DIP2B: variants seen among roughly 807,000 people sequenced by gnomAD.
DIP2B encodes DIP2 acetate--CoA ligase B (putative).
Under a neutral mutation model 198.0 loss-of-function variants are expected in DIP2B, and 76 were observed. The observed-to-expected ratio is 0.38, with a 90% CI of 0.32 to 0.46. The LOEUF (loss-of-function observed/expected upper bound fraction) is 0.46, where lower values mean the gene tolerates loss of function less well. Among genes scored for constraint, DIP2B ranks in the 20% least tolerant of loss-of-function variants. DIP2B has a pLI of 0.99. For missense variants in DIP2B, 1,559 were observed against 1,978.4 expected, an observed-to-expected ratio of 0.79 and a Z score of 4.02; for synonymous variants, 701 against 739.1, an observed-to-expected ratio of 0.95 and a Z score of 0.84.
At chr12:50,733,885 G>T (rs1371635745) in intron 32 of DIP2B, among the ~76,000 whole-genome samples, 1 of 152,150 alleles carries the variant, frequency 6.6e-6, no homozygotes, top group Non-Finnish European at 1.5e-5. Flanking sequence ...GGTTTTGCAA[G>T]TCCCTGGGTT....
At chr12:50,710,962 T>G (rs1416264013) in intron 22 of DIP2B, among the ~76,000 whole-genome samples, 1 of 152,238 alleles carries the variant, frequency 6.6e-6, no homozygotes, top group Admixed American at 6.5e-5. Flanking sequence ...GAAACCTTAT[T>G]TTGTTCAGAA....
chr12:50,525,649 A>T (rs1015335217), intron 1 of DIP2B, among the ~76,000 whole-genome samples: 3 of 151,730 alleles, frequency 2.0e-5, no homozygotes, highest in African/African-American at 7.3e-5. Flanking sequence ...AGTAGCTGAG[A>T]CTATAGGTTT....
intron 1 of DIP2B, among the ~76,000 whole-genome samples, chr12:50,578,055 A>C (rs1282777113): frequency 1.3e-5 from 2 of 152,252 alleles, no homozygotes; most frequent in Non-Finnish European, 2.9e-5. Context: ...TGGCTCTGCC[A>C]GGCTGGAATG....
At chr12:50,586,284 T>G (rs1255157064) in intron 1 of DIP2B, among the ~76,000 whole-genome samples, 1 of 151,948 alleles carries the variant, frequency 6.6e-6, no homozygotes, top group Admixed American at 6.6e-5. Context: ...AAGTCCTGAG[T>G]AGAATGGATT....
rs150766425 is a variant in DIP2B, at chr12:50,513,151, G to A, written c.100+7911G>A. 1.1e-3 allele frequency among the ~76,000 whole-genome samples: 166 copies of A among 152,322 alleles called. 1 individual carries two copies. Among genetic ancestry groups the A allele is most frequent in the African/African-American group, 3.6e-3 (148 of 41,566 alleles). On this transcript the variant is annotated intron_variant, in intron 1 of 37. Transcript: ENST00000301180. ...ATTGCTGCTGATAGTGAATGGATGC[G>A]TGGAGACTTGGCAGTTTTTAATATC...
intron 17 of DIP2B, 70 bp from the exon 18 acceptor site, chr12:50,698,258 C>A: frequency 6.6e-7 from 1 of 1,517,266 alleles, no homozygotes; most frequent in South Asian, 1.3e-5. Context: ...GGAAATTTGT[C>A]TTCCTATGTA....
At chr12:50,599,387 G>A (rs1958916721) in intron 1 of DIP2B, among the ~76,000 whole-genome samples, 1 of 152,182 alleles carries the variant, frequency 6.6e-6, no homozygotes, top group African/African-American at 2.4e-5. Flanking sequence ...AGGCCAAGGT[G>A]GGTGGATCTC....
At chr12:50,578,326 G>T (rs1368187949) in intron 1 of DIP2B, among the ~76,000 whole-genome samples, 2 of 151,042 alleles carry the variant, frequency 1.3e-5, no homozygotes, top group Admixed American at 1.3e-4. Context: ...ACTTCGAATG[G>T]ATGTGTTACC....
chr12:50,683,060 A>T, intron 9 of DIP2B, 78 bp from the exon 10 acceptor site: 1 of 1,163,486 alleles, frequency 8.6e-7, no homozygotes, highest in Non-Finnish European at 1.2e-6. Flanking sequence ...GATAAATATT[A>T]CATACTTAGA....
At chr12:50,600,252 CAA>C (rs1958923452) in intron 1 of DIP2B, among the ~76,000 whole-genome samples, 1 of 152,150 alleles carries the variant, frequency 6.6e-6, no homozygotes, top group African/African-American at 2.4e-5. Context: ...AAGTGATATC[CAA>C]AACCATCCCT....
At chr12:50,682,451 A>T (rs565912476) in intron 9 of DIP2B, among the ~76,000 whole-genome samples, 5 of 152,042 alleles carry the variant, frequency 3.3e-5, no homozygotes, top group African/African-American at 1.2e-4. Context: ...AACACGGTGA[A>T]ACCCCATCTC....
chr12:50,649,051 A>G (rs1474018592), intron 3 of DIP2B, among the ~76,000 whole-genome samples: 1 of 152,200 alleles, frequency 6.6e-6, no homozygotes, highest in Non-Finnish European at 1.5e-5. Flanking sequence ...AAACTTAAGA[A>G]ATGTCTAAAA....
chr12:50,741,418 C>A lies in DIP2B; in HGVS notation c.4357C>A (p.Arg1453Ser). Residue 1453 changes from arginine to serine, a missense_variant and splice_region_variant, in exon 37 of 38, where the codon CGT (arginine) becomes AGT (serine). Coordinates refer to ENST00000301180, the MANE Select transcript of DIP2B (RefSeq NM_173602.3). ...RTELTAATGE[R>S]HDALYVVGAL... ...TTCTCTCTTTTTCTTTCTGTCAGAG[C>A]GTCATGATGCATTGTATGTGGTGGG... The A allele has an allele frequency of 1.2e-6, 2 of 1,613,568 alleles. No homozygotes were observed. Among genetic ancestry groups the A allele is most frequent in the Non-Finnish European group, 1.7e-6 (2 of 1,179,840 alleles).
At chr12:50,581,689 A>C (rs1958725572) in intron 1 of DIP2B, among the ~76,000 whole-genome samples, 1 of 134,164 alleles carries the variant, frequency 7.5e-6, no homozygotes, top group South Asian at 2.8e-4. Flanking sequence ...TATCGTGCCC[A>C]AGACAGTGGA....
At chr12:50,742,788 C>A (rs1291375599) in intron 37 of DIP2B, among the ~76,000 whole-genome samples, 1 of 151,860 alleles carries the variant, frequency 6.6e-6, no homozygotes, top group Non-Finnish European at 1.5e-5. Context: ...CCTAGCTGCT[C>A]GGGAGGCTGA....
intron 1 of DIP2B, among the ~76,000 whole-genome samples, chr12:50,566,361 T>C (rs1958562883): frequency 6.6e-6 from 1 of 152,200 alleles, no homozygotes; most frequent in Non-Finnish European, 1.5e-5. Context: ...TCTCTTGGCA[T>C]TTAAAAAATA....
chr12:50,689,481 G>A (rs182042840), intron 12 of DIP2B, among the ~76,000 whole-genome samples: 20 of 152,346 alleles, frequency 1.3e-4, no homozygotes, highest in Admixed American at 1.0e-3. Context: ...AGGAAATAGA[G>A]CAGGCAGGGC....
At chr12:50,716,061 GT>G (rs1208741964) in intron 23 of DIP2B, among the ~76,000 whole-genome samples, 1 of 152,164 alleles carries the variant, frequency 6.6e-6, no homozygotes, top group Non-Finnish European at 1.5e-5. Flanking sequence ...TGCTGAATTA[GT>G]TTTATTGTTT....
At chr12:50,716,958 C>CATTTTTTTTTTTTTTTT (rs1939731569) in intron 23 of DIP2B, among the ~76,000 whole-genome samples, 1 of 58,924 alleles carries the variant, frequency 1.7e-5, no homozygotes, top group African/African-American at 6.2e-5. Context: ...CGAATTGTTG[C>CATTTTTTTTTTTTTTTT]TTTTTTTTTT....
Sources: allele counts gnomAD v4.1 joint callset (sites outside exome capture counted in the v4.1 genomes callset), GRCh38; gene constraint gnomAD v4.1.1; transcripts MANE v1.5; gene names NCBI Gene and HGNC (gene_info 2026-07-23, HGNC 2026-07-21).